SOX5: variants seen among roughly 807,000 people sequenced by gnomAD.
The protein encoded by SOX5 is SRY-box transcription factor 5, also known as transcription factor SOX-5.
In SOX5, 9 loss-of-function variants were observed where a neutral mutation model predicts 92.0. The observed-to-expected ratio is 0.10, with a 90% CI of 0.06 to 0.17. The LOEUF (loss-of-function observed/expected upper bound fraction) is 0.17, where lower values mean the gene tolerates loss of function less well. Among genes scored for constraint, SOX5 ranks in the 10% least tolerant of loss-of-function variants. The pLI is 1.00. For synonymous variants in SOX5, 344 were observed against 336.3 expected, an observed-to-expected ratio of 1.02 and a Z score of -0.25; for missense variants, 642 against 944.5, an observed-to-expected ratio of 0.68 and a Z score of 4.20.
chr12:24,018,989 T>C (rs1953990212), intron 4 of SOX5, among the ~76,000 whole-genome samples: 1 of 152,128 alleles, frequency 6.6e-6, no homozygotes, highest in Non-Finnish European at 1.5e-5. Context: ...TAATCATGCA[T>C]TTTTTTGAGG....
intron 6 of SOX5, among the ~76,000 whole-genome samples, chr12:23,667,569 T>C (rs2084019378): frequency 6.6e-6 from 1 of 152,114 alleles, no homozygotes; most frequent in South Asian, 2.1e-4. Context: ...AACATGCTAA[T>C]GAGGAAATAA....
intron 2 of SOX5, chr12:24,368,450 T>A (rs1956382510): frequency 6.6e-6 from 1 of 152,210 alleles, no homozygotes; most frequent in Non-Finnish European, 1.5e-5. Context: ...AAGGAAAAAT[T>A]GTGCCAAATA....
At chr12:23,591,881 C>A (rs1951616785) in intron 9 of SOX5, among the ~76,000 whole-genome samples, 1 of 152,012 alleles carries the variant, frequency 6.6e-6, no homozygotes, top group Non-Finnish European at 1.5e-5. Context: ...CTGGAAATAC[C>A]ACAAGAGAAG....
intron 2 of SOX5, among the ~76,000 whole-genome samples, chr12:23,855,395 AAGTGATAACTC>A (rs2096675689): frequency 6.6e-6 from 1 of 152,078 alleles, no homozygotes; most frequent in Non-Finnish European, 1.5e-5. Flanking sequence ...GTTCTCTACA[AAGTGATAACTC>A]AGGGAAACAA....
intron 1 of SOX5, among the ~76,000 whole-genome samples, chr12:24,501,290 T>C (rs1222426794): frequency 1.3e-5 from 2 of 151,344 alleles, no homozygotes; most frequent in Admixed American, 6.6e-5. Context: ...TCCACAAAGA[T>C]GCCCACTTGG....
At chr12:23,802,167 G>A (rs1009687697) in intron 3 of SOX5, among the ~76,000 whole-genome samples, 4 of 151,838 alleles carry the variant, frequency 2.6e-5, no homozygotes, top group Non-Finnish European at 5.9e-5. Flanking sequence ...TCTGCCTCCC[G>A]GGTTCATGCC....
chr12:24,019,782 C>G (rs952741178), intron 4 of SOX5, among the ~76,000 whole-genome samples: 2 of 152,172 alleles, frequency 1.3e-5, no homozygotes, highest in African/African-American at 4.8e-5. Context: ...CAGGGAAAGG[C>G]TTAGTAACTT....
At chr12:23,743,295 G>T (rs1483609962) in intron 4 of SOX5, among the ~76,000 whole-genome samples, 1 of 151,830 alleles carries the variant, frequency 6.6e-6, no homozygotes, top group South Asian at 2.1e-4. Context: ...GGAATTATAG[G>T]TCATTTTAAT....
chr12:24,088,457 A>G (rs1401856531), intron 4 of SOX5, among the ~76,000 whole-genome samples: 2 of 152,070 alleles, frequency 1.3e-5, no homozygotes, highest in Non-Finnish European at 2.9e-5. Flanking sequence ...AACTCTGCAC[A>G]CGCACCTTTT....
chr12:23,878,100 A>C (rs1276366259), intron 2 of SOX5, among the ~76,000 whole-genome samples: 1 of 152,014 alleles, frequency 6.6e-6, no homozygotes, highest in Non-Finnish European at 1.5e-5. Flanking sequence ...ATTTCACATG[A>C]GTTTTGGCAT....
intron 1 of SOX5, among the ~76,000 whole-genome samples, chr12:24,385,160 A>G (rs187163239): frequency 6.6e-5 from 10 of 152,324 alleles, no homozygotes; most frequent in Admixed American, 6.5e-4. Context: ...AAAGATATGT[A>G]TATGTAAGAG....
chr12:24,401,239 C>A (rs1448547410), intron 1 of SOX5, among the ~76,000 whole-genome samples: 1 of 151,694 alleles, frequency 6.6e-6, no homozygotes, highest in Non-Finnish European at 1.5e-5. Flanking sequence ...GTAGTCCCAG[C>A]TACTCAGGGG....
At chr12:24,188,644 T>C (rs577155608) in intron 4 of SOX5, among the ~76,000 whole-genome samples, 1 of 152,136 alleles carries the variant, frequency 6.6e-6, no homozygotes, top group Non-Finnish European at 1.5e-5. Flanking sequence ...AGTAACATAG[T>C]TGACTACAGC....
intron 4 of SOX5, among the ~76,000 whole-genome samples, chr12:24,130,871 C>T (rs1266451708): frequency 6.6e-6 from 1 of 152,148 alleles, no homozygotes; most frequent in Non-Finnish European, 1.5e-5. Context: ...GTCTTCAACC[C>T]TCATTTCTAT....
chr12:23,541,102 A>G (rs1245125800), intron 13 of SOX5, among the ~76,000 whole-genome samples: 2 of 152,178 alleles, frequency 1.3e-5, no homozygotes, highest in Non-Finnish European at 2.9e-5. Context: ...ATTCTCTTTC[A>G]TGTTGTCTAT....
intron 4 of SOX5, among the ~76,000 whole-genome samples, chr12:24,204,456 G>A (rs774839231): frequency 6.6e-5 from 10 of 151,984 alleles, no homozygotes; most frequent in Non-Finnish European, 1.3e-4. Context: ...GGCTTCCTGA[G>A]TAACTGGGAT....
At chr12:24,005,680 C>T (rs563822033) in intron 4 of SOX5, among the ~76,000 whole-genome samples, 7 of 152,270 alleles carry the variant, frequency 4.6e-5, no homozygotes, top group South Asian at 4.1e-4. Context: ...TACTAAATAA[C>T]AGAAGTGCTC....
intron 7 of SOX5, among the ~76,000 whole-genome samples, chr12:23,652,517 GT>G (rs3030242): frequency 1.3e-3 from 182 of 140,050 alleles, no homozygotes; most frequent in African/African-American, 2.6e-3. Flanking sequence ...CTCTTCTACT[GT>G]TTTTTTTTTT....
chr12:23,914,414 C>G (rs1595602827), intron 1 of SOX5, among the ~76,000 whole-genome samples: 1 of 152,016 alleles, frequency 6.6e-6, no homozygotes, highest in South Asian at 2.1e-4. Flanking sequence ...CATTGATTTA[C>G]CAGGGCAAGT....
Sources: gnomAD v4.1 joint callset for allele counts (sites outside exome capture counted in the v4.1 genomes callset) on GRCh38, gnomAD v4.1.1 for gene constraint, MANE v1.5 for transcripts, NCBI Gene and HGNC (gene_info 2026-07-23, HGNC 2026-07-21) for gene names.